The following SLC19A1 variants were observed in gnomAD, a reference collection of about 807,000 sequenced individuals.
SLC19A1 encodes the protein reduced folate transporter.
Under a neutral mutation model 35.3 loss-of-function variants are expected in SLC19A1, and 37 were observed. That is an observed-to-expected ratio of 1.05 (90% CI 0.81 to 1.38). SLC19A1 has a LOEUF of 1.38. Ranked by LOEUF, SLC19A1 falls within the 40% of genes most tolerant of loss-of-function variation. SLC19A1 has a pLI of 0.00. For synonymous variants in SLC19A1, 460 were observed against 398.5 expected, an observed-to-expected ratio of 1.15 and a Z score of -1.84; for missense variants, 831 against 826.9, an observed-to-expected ratio of 1.00 and a Z score of -0.06.
chr21:45,504,163 C>A, intron 3 of SLC19A1: 3 of 1,298,420 alleles, frequency 2.3e-6, no homozygotes, highest in Non-Finnish European at 2.2e-6. Context: ...TCCTGTTCAG[C>A]CCTGCGAGGG....
chr21:45,508,005 A>ATGGATGGG (rs1194403347), downstream of SLC19A1, among the ~76,000 whole-genome samples: 2 of 150,562 alleles, frequency 1.3e-5, no homozygotes, highest in Admixed American at 6.6e-5. Context: ...AGGTGGATGG[A>ATGGATGGG]TGGATGGGTG....
downstream of SLC19A1, chr21:45,509,920 CTCAG>C: frequency 1.0e-6 from 1 of 955,878 alleles, no homozygotes; most frequent in Non-Finnish European, 1.5e-6. Flanking sequence ...GCCTGGGCCC[CTCAG>C]TGTGTCACTT....
chr21:45,532,402 GTTA>G (rs1404145340), intron 2 of SLC19A1, among the ~76,000 whole-genome samples: 2 of 152,202 alleles, frequency 1.3e-5, no homozygotes, highest in East Asian at 3.9e-4. Flanking sequence ...AGAAGGAATC[GTTA>G]TTAACAAGCC....
At chr21:45,546,063 A>G (rs1245152183), upstream of SLC19A1, among the ~76,000 whole-genome samples, 1 of 152,206 alleles carries the variant, frequency 6.6e-6, no homozygotes, top group Non-Finnish European at 1.5e-5. Context: ...TAGGGGCCCA[A>G]AGGTCTGGAG....
chr21:45,561,308 A>G (rs2078612859), intron 1 of SLC19A1, among the ~76,000 whole-genome samples: 1 of 152,242 alleles, frequency 6.6e-6, no homozygotes, highest in Non-Finnish European at 1.5e-5. Context: ...GTAACTTGCC[A>G]TGCCATTCAC....
intron 3 of SLC19A1, chr21:45,505,183 A>C: frequency 6.2e-7 from 1 of 1,606,000 alleles, no homozygotes; most frequent in Non-Finnish European, 8.5e-7. Context: ...CCTGGACCTC[A>C]GGGACCCCCC....
intron 3 of SLC19A1, chr21:45,504,118 T>C (rs1043994882): frequency 1.5e-5 from 23 of 1,557,106 alleles, no homozygotes; most frequent in African/African-American, 5.4e-5. Context: ...GGGTGGCTGC[T>C]CCCAATTTCT....
At chr21:45,521,764 C>A (rs2077445198) in intron 5 of SLC19A1, among the ~76,000 whole-genome samples, 1 of 152,134 alleles carries the variant, frequency 6.6e-6, no homozygotes, top group Non-Finnish European at 1.5e-5. Flanking sequence ...ATGGGGAGAG[C>A]TAAGTCTTTT....
At position 45,505,973 on chromosome 21, in the gene SLC19A1, G is replaced by C. The variant is rs370117658; in HGVS notation, c.498-7361C>G. On this transcript the variant is annotated intron_variant, in intron 3 of 4. Coordinates refer to the SLC19A1 transcript ENST00000417954. ...CGGGTTCCGGAAGGTCCAGGTGAGC[G>C]CTCTGTGTGACGGGTTCTGGACCCG... 5.6e-6 allele frequency: 9 copies of C among 1,613,010 alleles called. No individual in the cohort carries two copies. The Admixed American group carries it at 1.5e-4, about 27-fold the overall frequency.
At chr21:45,545,735 C>T (rs566216497), upstream of SLC19A1, among the ~76,000 whole-genome samples, 9 of 152,148 alleles carry the variant, frequency 5.9e-5, no homozygotes, top group Non-Finnish European at 1.0e-4. Context: ...GGAAGACGGG[C>T]GCGGACCGGC....
At chr21:45,509,303 AG>A, downstream of SLC19A1, 2 of 1,534,614 alleles carry the variant, frequency 1.3e-6, no homozygotes, top group South Asian at 2.4e-5. Flanking sequence ...CAGATGGAGG[AG>A]GGGCACCCGG....
At chr21:45,528,405 A>G (rs1412988469) in intron 4 of SLC19A1, among the ~76,000 whole-genome samples, 3 of 151,894 alleles carry the variant, frequency 2.0e-5, no homozygotes, top group African/African-American at 7.2e-5. Flanking sequence ...GAGTCCCAAC[A>G]GAGTCAGGAG....
In SLC19A1 at chr21:45,532,236, C is replaced by T. The variant is rs1602834375; in HGVS notation, c.190-88G>A. 3.6e-6 allele frequency: 4 copies of T among 1,116,014 alleles called. No homozygotes were observed. The East Asian group carries it at 7.2e-5, about 20-fold the overall frequency. The allele number at this position is 1,116,014 out of a possible 1,614,324, so 69.1% of individuals were successfully genotyped here. ...GCCCGCCCGAGGTGATGGCTGCTGACGGCTTCCTGCCCCAACACTGCCTGG... is the reference window on the plus strand; with the variant it reads ...GCCCGCCCGAGGTGATGGCTGCTGATGGCTTCCTGCCCCAACACTGCCTGG... On this transcript the variant is annotated intron_variant, in intron 2 of 5. Transcript: ENST00000311124.
chr21:45,503,171 G>A (rs1338812340), intron 3 of SLC19A1, among the ~76,000 whole-genome samples: 1 of 152,174 alleles, frequency 6.6e-6, no homozygotes, highest in East Asian at 1.9e-4. Context: ...GGTTGAACTA[G>A]TTTACAGTCC....
At position 45,530,550 on chromosome 21, in the gene SLC19A1, G is replaced by A. The variant is rs1429439106; in HGVS notation, c.1151+220C>T. On this transcript the variant is annotated intron_variant, in intron 4 of 5. Coordinates refer to ENST00000311124, the MANE Select transcript of SLC19A1 (RefSeq NM_194255.4). This position sits in a 1 kb window ranked among gnomAD's most constrained non-coding sequence, Gnocchi z 5.3. ...CTGTGAGCCCAGCAGGCTTCAGAGA[G>A]GAGCGTGGAGGGCCTGGGGGAGCAG... Among the ~76,000 whole-genome samples, 1 of 152,188 alleles carries A rather than the reference G, an allele frequency of 6.6e-6. No homozygotes were observed. The highest frequency in any genetic ancestry group is 6.5e-5 in the Admixed American group (1 of 15,282).
intron 3 of SLC19A1, chr21:45,505,365 C>A: frequency 6.3e-7 from 1 of 1,592,952 alleles, no homozygotes; most frequent in Non-Finnish European, 8.6e-7. Context: ...CAGCTATCAG[C>A]GTTCCCGGCC....
chr21:45,520,179 A>G (rs1003439885), intron 5 of SLC19A1, among the ~76,000 whole-genome samples: 2 of 152,220 alleles, frequency 1.3e-5, no homozygotes, highest in Admixed American at 6.5e-5. Context: ...ATGCAACTAA[A>G]GCAGTACTGA....
chr21:45,503,845 A>G, intron 3 of SLC19A1: 1 of 524,798 alleles, frequency 1.9e-6, no homozygotes, highest in South Asian at 3.2e-5. Flanking sequence ...TAACAAAAAC[A>G]TCAGAAAGTA....
chr21:45,560,633 G>A (rs879863673), intron 1 of SLC19A1, among the ~76,000 whole-genome samples: 13 of 152,374 alleles, frequency 8.5e-5, no homozygotes, highest in Admixed American at 2.6e-4. Context: ...CGCACACGGC[G>A]GGGCAGGGGA....
Sources: gnomAD v4.1 joint callset for allele counts (sites outside exome capture counted in the v4.1 genomes callset) on GRCh38, gnomAD v4.1.1 for gene constraint, Gnocchi (gnomAD v3.1) non-coding constraint, MANE v1.5 for transcripts, NCBI Gene and HGNC (gene_info 2026-07-23, HGNC 2026-07-21) for gene names.